Variants in CASK observed in about 807,000 individuals in gnomAD.
CASK encodes the protein peripheral plasma membrane protein CASK.
A neutral mutation model predicts 82.9 loss-of-function variants in CASK; 4 were observed. The ratio of observed to expected loss-of-function variants is 0.05; its 90% confidence interval spans 0.02 to 0.11. The LOEUF (loss-of-function observed/expected upper bound fraction) is 0.11. CASK is among the 10% of genes least tolerant of loss of function. The pLI is 1.00. For synonymous variants in CASK, 259 were observed against 253.5 expected, an observed-to-expected ratio of 1.02 and a Z score of -0.20; for missense variants, 358 against 720.9, an observed-to-expected ratio of 0.50 and a Z score of 5.76.
intron 2 of CASK, 113 bp downstream of exon 2, chrX:41,853,002 C>G: frequency 3.8e-6 from 2 of 532,828 alleles, no homozygotes; most frequent in Non-Finnish European, 6.7e-6. Context: ...CCACTTCCCT[C>G]TACATCATAC....
At chrX:41,565,227 C>A (rs932272707) in intron 16 of CASK, among the ~76,000 whole-genome samples, 3 of 111,327 alleles carry the variant, frequency 2.7e-5, no homozygotes, top group Non-Finnish European at 5.7e-5. Context: ...CATGAAATAA[C>A]TAAGATCAGA....
At chrX:41,889,708 T>C (rs73472554) in intron 1 of CASK, among the ~76,000 whole-genome samples, 1,581 of 112,208 alleles carry the variant, frequency 0.014, 17 homozygotes, top group African/African-American at 0.044. Flanking sequence ...ATTTGCTTCA[T>C]AGCAGCTTCT....
chrX:41,558,947 G>A (rs1248012948), intron 18 of CASK: 1 of 111,733 alleles, frequency 8.9e-6, no homozygotes, highest in African/African-American at 3.3e-5. Flanking sequence ...TAGGAAGTGT[G>A]TACTTCATAT....
intron 22 of CASK, 83 bp from the exon 23 acceptor site, chrX:41,535,056 TAC>T (rs2064856958): frequency 1.7e-6 from 1 of 584,040 alleles, no homozygotes; most frequent in East Asian, 3.6e-5. Context: ...CTGGCAAAAC[TAC>T]AGTTATATTA....
Position 41,623,509 on chromosome X carries a change from G to A in CASK, c.1016-875C>T, listed in dbSNP as rs768266089. On this transcript the variant is annotated intron_variant, in intron 10 of 26. Coordinates refer to ENST00000378163, the MANE Select transcript of CASK (RefSeq NM_001367721.1). ...ACGATCTCGGCTCATTGCAACCTCCGTGTCCTGGGTTCAAGCAATTCTCTT... is the reference window on the plus strand; with the variant it reads ...ACGATCTCGGCTCATTGCAACCTCCATGTCCTGGGTTCAAGCAATTCTCTT... 3.6e-5 allele frequency among the ~76,000 whole-genome samples: 4 copies of A among 111,350 alleles called. No individual in the cohort carries two copies. The East Asian group carries it at 1.1e-3, about 31-fold the overall frequency.
At chrX:41,726,052 C>T (rs1218559513) in intron 5 of CASK, among the ~76,000 whole-genome samples, 1 of 112,299 alleles carries the variant, frequency 8.9e-6, no homozygotes, top group Non-Finnish European at 1.9e-5. Context: ...ACCATGTTGC[C>T]CAGGCTGGCC....
intron 6 of CASK, among the ~76,000 whole-genome samples, chrX:41,666,226 T>C (rs1231694319): frequency 2.7e-5 from 3 of 112,059 alleles, no homozygotes; most frequent in Non-Finnish European, 3.8e-5. Flanking sequence ...TTTTCTTTTG[T>C]TTCTCTATCA....
chrX:41,577,276 C>G (rs1014048388), intron 15 of CASK, among the ~76,000 whole-genome samples: 4 of 111,542 alleles, frequency 3.6e-5, no homozygotes, highest in African/African-American at 1.3e-4. Flanking sequence ...ATATTACCTA[C>G]TCTTTCATTA....
intron 21 of CASK, among the ~76,000 whole-genome samples, chrX:41,546,707 G>C (rs5918197): frequency 0.12 from 13,533 of 108,660 alleles, 816 homozygotes; most frequent in Middle Eastern, 0.19. Flanking sequence ...TGAACTCCTG[G>C]CCTCAAGTGA....
intron 9 of CASK, among the ~76,000 whole-genome samples, chrX:41,632,029 C>G (rs2066476030): frequency 9.0e-6 from 1 of 111,187 alleles, no homozygotes; most frequent in South Asian, 3.8e-4. Context: ...CTCCCAGGCT[C>G]AAGTGATCCT....
At chrX:41,552,093 ATTTTTTT>A (rs1218077716) in intron 21 of CASK, among the ~76,000 whole-genome samples, 235 of 91,984 alleles carry the variant, frequency 2.6e-3, no homozygotes, top group African/African-American at 8.8e-3. Flanking sequence ...CACCTGGCTA[ATTTTTTT>A]TTTTTTTTTT....
chrX:41,742,767 T>A (rs763398531), intron 4 of CASK, among the ~76,000 whole-genome samples: 1 of 111,946 alleles, frequency 8.9e-6, no homozygotes, highest in African/African-American at 3.2e-5. Context: ...CGCGCCCTTG[T>A]TGCATGGTCA....
chrX:41,873,150 T>C (rs895962956), intron 1 of CASK, among the ~76,000 whole-genome samples: 3 of 110,225 alleles, frequency 2.7e-5, no homozygotes, highest in African/African-American at 9.9e-5. Flanking sequence ...TACAATATTT[T>C]AGCTAAAGAA....
rs576191218 is a variant in CASK, at chrX:41,546,565, T to C, written c.2040-3759A>G. Among the ~76,000 whole-genome samples, 30 of 111,584 alleles carry C rather than the reference T, an allele frequency of 2.7e-4. 1 individual carries two copies. In the South Asian group the frequency reaches 0.011, roughly 41 times the overall value. ...TCACTGCAACCTCCACCTTTCAGGA[T>C]TGACATATTCTCATGCCTCAGCCTC... is the stretch of plus-strand genomic sequence containing the variant. On this transcript the variant is annotated intron_variant, in intron 21 of 26. Transcript: ENST00000378163.
At chrX:41,705,036 A>G (rs932649372) in intron 5 of CASK, among the ~76,000 whole-genome samples, 5 of 112,374 alleles carry the variant, frequency 4.4e-5, no homozygotes, top group African/African-American at 1.6e-4. Context: ...GCTGAGGGTA[A>G]ACATCAGAAC....
chrX:41,851,714 G>T (rs949109507), intron 2 of CASK, among the ~76,000 whole-genome samples: 2 of 111,949 alleles, frequency 1.8e-5, no homozygotes, highest in Non-Finnish European at 3.8e-5. Flanking sequence ...ATGCTTAAGA[G>T]AATTTGGCTT....
At chrX:41,729,749 CAAAAAAAAAAAAAA>C (rs1162361118) in intron 5 of CASK, 2 of 14,112 alleles carry the variant, frequency 1.4e-4, no homozygotes, top group Non-Finnish European at 2.4e-4. Context: ...GACTCTGTCT[CAAAAAAAAAAAAAA>C]AAAAAAAAAA....
intron 2 of CASK, among the ~76,000 whole-genome samples, chrX:41,795,372 T>C (rs1410953871): frequency 8.9e-6 from 1 of 112,436 alleles, no homozygotes; most frequent in Non-Finnish European, 1.9e-5. Flanking sequence ...CCTTAAAAAC[T>C]GACTTAGAGA....
chrX:41,559,852 AG>A lies in CASK; in HGVS notation c.1669-6del, dbSNP rs746809939. 29 of 1,196,977 alleles carry A rather than the reference AG, an allele frequency of 2.4e-5. 1 individual carries two copies. The highest frequency in any genetic ancestry group is 3.6e-5 in the South Asian group (2 of 56,057). On this transcript the variant is annotated splice_region_variant and splice_polypyrimidine_tract_variant and intron_variant, in intron 17 of 26. Coordinates refer to ENST00000378163, the MANE Select transcript of CASK (RefSeq NM_001367721.1). ...AATACTCCCCCGCATTTCCCTCTGG[AG>A]GGGGGGTGGTGGGAAAGAAAGAAAA...
Sources: gnomAD v4.1 joint callset for allele counts (sites outside exome capture counted in the v4.1 genomes callset) on GRCh38, gnomAD v4.1.1 for gene constraint, MANE v1.5 for transcripts, NCBI Gene and HGNC (gene_info 2026-07-23, HGNC 2026-07-21) for gene names.